ARID4A: variants seen among roughly 807,000 people sequenced by gnomAD.
ARID4A encodes AT-rich interaction domain 4A, also known as AT-rich interactive domain-containing protein 4A.
Under a neutral mutation model 148.6 loss-of-function variants are expected in ARID4A, and 39 were observed. That is an observed-to-expected ratio of 0.26 (90% CI 0.20 to 0.34). The LOEUF (loss-of-function observed/expected upper bound fraction) is 0.34. Ranked by LOEUF, ARID4A falls within the 10% of genes least tolerant of loss-of-function variation. The pLI, the probability that ARID4A is intolerant of heterozygous loss-of-function variation, is 1.00. For missense variants in ARID4A, 1,265 were observed against 1,449.1 expected (o/e 0.87, Z 2.06); for synonymous variants, 475 against 481.2 (o/e 0.99, Z 0.17).
chr14:58,345,068 C>T (rs1337573476), intron 12 of ARID4A, among the ~76,000 whole-genome samples: 2 of 151,978 alleles, frequency 1.3e-5, no homozygotes, highest in African/African-American at 2.4e-5. Flanking sequence ...TTTGTAGAGA[C>T]GGGTTTTGCC....
intron 11 of ARID4A, among the ~76,000 whole-genome samples, chr14:58,336,983 CCGAGTT>C (rs2033849594): frequency 1.3e-5 from 2 of 150,834 alleles, no homozygotes; most frequent in African/African-American, 4.9e-5. Context: ...CCTCCGCCTC[CCGAGTT>C]CAAGTGATTT....
intron 8 of ARID4A, among the ~76,000 whole-genome samples, chr14:58,324,017 G>C (rs951424992): frequency 2.1e-5 from 3 of 146,230 alleles, no homozygotes; most frequent in African/African-American, 7.6e-5. Flanking sequence ...CCATTCTCCT[G>C]CCTCAGCCTC....
At chr14:58,313,109 T>G (rs2032163747) in intron 5 of ARID4A, among the ~76,000 whole-genome samples, 1 of 152,218 alleles carries the variant, frequency 6.6e-6, no homozygotes, top group East Asian at 1.9e-4. Flanking sequence ...GTCTCAGCTT[T>G]GTCATTTTCC....
At chr14:58,300,988 T>C (rs1245009996) in intron 2 of ARID4A, among the ~76,000 whole-genome samples, 2 of 152,214 alleles carry the variant, frequency 1.3e-5, no homozygotes, top group African/African-American at 2.4e-5. Flanking sequence ...AAGATTAGTG[T>C]GGTAAACTAG....
In ARID4A at chr14:58,301,635, G is replaced by A; in HGVS notation, c.62G>A (p.Arg21Gln). 2 of 1,614,038 alleles carry A rather than the reference G, an allele frequency of 1.2e-6. No individual in the cohort carries two copies. Among genetic ancestry groups the A allele is most frequent in the Non-Finnish European group, 1.7e-6 (2 of 1,179,974 alleles). ...GGAACCGATGTCAGTGCCAAGTACC[G>A]AGGTGCCTTCTGTGAGGCAAAGATT... ...TVGTDVSAKY[R>Q]GAFCEAKIKT... Residue 21 changes from arginine to glutamine, a missense_variant, in exon 3 of 24, where the codon CGA becomes CAA. Arg to Gln is a conservative substitution (Grantham distance 43). Around this residue, in one of 9 missense-constraint regions of ARID4A, gnomAD observed 22 missense variants for 43.8 expected, o/e 0.50. Coordinates refer to ENST00000355431, the MANE Select transcript of ARID4A (RefSeq NM_002892.4).
intron 2 of ARID4A, among the ~76,000 whole-genome samples, chr14:58,300,510 T>A (rs1408768654): frequency 6.6e-6 from 1 of 152,182 alleles, no homozygotes; most frequent in African/African-American, 2.4e-5. Context: ...CCAAAAGCAT[T>A]CCTATTCAAT....
intron 19 of ARID4A, among the ~76,000 whole-genome samples, chr14:58,361,280 A>G (rs1437030518): frequency 6.6e-6 from 1 of 152,038 alleles, no homozygotes; most frequent in Admixed American, 6.6e-5. Flanking sequence ...ATAATGAGAT[A>G]TCCTAGGGAT....
Position 58,330,119 on chromosome 14 carries a change from G to A in ARID4A, c.856G>A (p.Glu286Lys), listed in dbSNP as rs759609667. The change falls in exon 11 of 24, where the codon GAA (glutamate) becomes AAA (lysine). Residue 286 changes from glutamate to lysine, a missense_variant. Physicochemically the swap from Glu to Lys is moderately conservative, Grantham distance 56 (BLOSUM62 1). Transcript: ENST00000355431. ...SSDDEDGPAE[E>K]NDEEKEKEAK... The stretch of plus-strand genomic sequence containing the variant: ...TGATGATGAAGATGGCCCAGCTGAA[G>A]AAAATGATGAAGAGAAGGAAAAGGA... The A allele has an allele frequency of 1.2e-6, 2 of 1,613,232 alleles. No homozygotes were observed. The highest frequency in any genetic ancestry group is 1.7e-6 in the Non-Finnish European group (2 of 1,179,792).
intron 11 of ARID4A, among the ~76,000 whole-genome samples, chr14:58,338,830 G>A (rs1177890988): frequency 6.6e-6 from 1 of 151,780 alleles, no homozygotes. Context: ...AAAGTTGCTT[G>A]TGTCCAAAGT....
chr14:58,366,348 C>T, intron 22 of ARID4A, 118 bp downstream of exon 22: 5 of 808,856 alleles, frequency 6.2e-6, no homozygotes, highest in African/African-American at 5.2e-5. Flanking sequence ...TTAGATATTC[C>T]AAATATTGCC....
At chr14:58,330,500 C>T (rs906810299) in intron 11 of ARID4A, among the ~76,000 whole-genome samples, 4 of 152,068 alleles carry the variant, frequency 2.6e-5, no homozygotes, top group Non-Finnish European at 4.4e-5. Context: ...ATTTAAACTA[C>T]TACCATATGA....
chr14:58,333,016 A>G (rs145168813), intron 11 of ARID4A, among the ~76,000 whole-genome samples: 3 of 152,170 alleles, frequency 2.0e-5, no homozygotes, highest in Admixed American at 6.5e-5. Context: ...GAGATTTGAG[A>G]TTCTGTGACT....
At chr14:58,357,304 ATGAGTTTAT>A (rs2034920932) in intron 17 of ARID4A, among the ~76,000 whole-genome samples, 1 of 152,204 alleles carries the variant, frequency 6.6e-6, no homozygotes, top group African/African-American at 2.4e-5. Context: ...TCAATTTGTG[ATGAGTTTAT>A]CAGGACATAA....
At chr14:58,310,568 T>TG (rs1051480743) in intron 5 of ARID4A, among the ~76,000 whole-genome samples, 3 of 152,098 alleles carry the variant, frequency 2.0e-5, no homozygotes, top group Non-Finnish European at 4.4e-5. Flanking sequence ...GATATCTACA[T>TG]GCAGAAGAAT....
At chr14:58,355,021 G>A (rs1566715208) in intron 17 of ARID4A, among the ~76,000 whole-genome samples, 1 of 152,220 alleles carries the variant, frequency 6.6e-6, no homozygotes, top group Non-Finnish European at 1.5e-5. Flanking sequence ...TTCAACAGCA[G>A]GACAGTGTGG....
At chr14:58,319,539 T>G in intron 7 of ARID4A, among the ~76,000 whole-genome samples, 2 of 92,304 alleles carry the variant, frequency 2.2e-5, no homozygotes, top group African/African-American at 4.3e-5. Context: ...TTTTTTTTTT[T>G]TTTTTTTTTT....
chr14:58,323,708 A>G, intron 8 of ARID4A, 91 bp downstream of exon 8: 2 of 1,227,780 alleles, frequency 1.6e-6, no homozygotes, highest in South Asian at 2.9e-5. Flanking sequence ...TTTTGAAAGT[A>G]TTAAACAAAT....
At chr14:58,304,266 ATATT>A (rs759428860) in intron 3 of ARID4A, among the ~76,000 whole-genome samples, 4 of 152,176 alleles carry the variant, frequency 2.6e-5, no homozygotes, top group South Asian at 2.1e-4. Flanking sequence ...TGATTACTCT[ATATT>A]TATTTGGGAT....
At chr14:58,348,635 TAGAA>T (rs1286692678) in intron 15 of ARID4A, among the ~76,000 whole-genome samples, 1 of 152,216 alleles carries the variant, frequency 6.6e-6, no homozygotes, top group Non-Finnish European at 1.5e-5. Context: ...TATCAAATTT[TAGAA>T]AGAGAAAGGA....
Sources: allele counts gnomAD v4.1 joint callset (sites outside exome capture counted in the v4.1 genomes callset), GRCh38; gene constraint gnomAD v4.1.1; regional missense constraint gnomAD v4.1.1; transcripts MANE v1.5; gene names NCBI Gene and HGNC (gene_info 2026-07-23, HGNC 2026-07-21).